The following KLF8 variants were observed in gnomAD, a reference collection of about 807,000 sequenced individuals.
The protein encoded by KLF8 is KLF transcription factor 8, also known as Krueppel-like factor 8.
KLF8 carries 10 observed loss-of-function variants against 18.2 expected under a neutral mutation model. The ratio of observed to expected loss-of-function variants is 0.55; its 90% CI spans 0.34 to 0.93. KLF8 has a LOEUF of 0.93. Among genes scored for constraint, KLF8 ranks in the 40% least tolerant of loss-of-function variants. The pLI, the probability that KLF8 is intolerant of heterozygous loss-of-function variation, is 0.02. For synonymous variants in KLF8, 109 were observed against 97.3 expected (o/e 1.12, Z -0.71); for missense variants, 264 against 277.9 (o/e 0.95, Z 0.36).
At chrX:56,048,385 G>GT in the KLF8 span, among the ~76,000 whole-genome samples, 1 of 111,579 alleles carries the variant, frequency 9.0e-6, no homozygotes, top group Admixed American at 9.5e-5. Context: ...TTCTTCTAGG[G>GT]TTTTTTTGGT....
chrX:55,938,350 G>A, the KLF8 span, among the ~76,000 whole-genome samples: 5 of 111,410 alleles, frequency 4.5e-5, no homozygotes, highest in Non-Finnish European at 9.4e-5. Context: ...CACCAGGCCT[G>A]CCCTAAAAGA....
chrX:56,136,865 A>G, the KLF8 span, among the ~76,000 whole-genome samples: 2 of 110,753 alleles, frequency 1.8e-5, no homozygotes, highest in South Asian at 3.9e-4. Flanking sequence ...TCCGTCAAAG[A>G]GCTAATACCC....
chrX:55,941,529 T>C, the KLF8 span, among the ~76,000 whole-genome samples: 1 of 111,870 alleles, frequency 8.9e-6, no homozygotes, highest in African/African-American at 3.3e-5. Context: ...TGGGATCTAA[T>C]TCAACTAAAG....
At chrX:56,018,258 G>A in the KLF8 span, among the ~76,000 whole-genome samples, 1 of 109,709 alleles carries the variant, frequency 9.1e-6, no homozygotes. Context: ...CAGTTGTGTA[G>A]CTTCCACATA....
chrX:55,993,503 C>T, the KLF8 span, among the ~76,000 whole-genome samples: 2 of 111,821 alleles, frequency 1.8e-5, no homozygotes, highest in South Asian at 7.4e-4. Flanking sequence ...ATGTGGACTG[C>T]TAGTATTTTG....
At chrX:56,180,605 A>G in the KLF8 span, among the ~76,000 whole-genome samples, 2 of 110,882 alleles carry the variant, frequency 1.8e-5, no homozygotes, top group Non-Finnish European at 3.8e-5. Flanking sequence ...TTTTAGTGCT[A>G]TAAATTTACC....
intron 2 of KLF8, 59 bp from the exon 3 acceptor site, chrX:56,265,121 A>G (rs945384397): frequency 9.0e-5 from 99 of 1,094,247 alleles, no homozygotes; most frequent in Non-Finnish European, 4.9e-5. Flanking sequence ...CATTGCTTGC[A>G]TGTCTCTTCA....
At chrX:56,165,529 A>C in the KLF8 span, among the ~76,000 whole-genome samples, 2 of 111,986 alleles carry the variant, frequency 1.8e-5, no homozygotes, top group Non-Finnish European at 3.8e-5. Context: ...TGGTTCACTC[A>C]GTTGTGTGGG....
At chrX:56,063,242 G>C in the KLF8 span, among the ~76,000 whole-genome samples, 132 of 111,103 alleles carry the variant, frequency 1.2e-3, no homozygotes, top group Non-Finnish European at 1.5e-3. Context: ...TAGGAGAAGA[G>C]GCCTTTTGGT....
chrX:56,081,565 T>C, the KLF8 span, among the ~76,000 whole-genome samples: 2 of 112,184 alleles, frequency 1.8e-5, no homozygotes, highest in African/African-American at 6.5e-5. Context: ...CCTGATTTTA[T>C]TGGGAAACTT....
chrX:56,198,310 T>A, the KLF8 span, among the ~76,000 whole-genome samples: 2 of 111,990 alleles, frequency 1.8e-5, no homozygotes, highest in Admixed American at 1.9e-4. Context: ...CCCTGTTTGC[T>A]GATGACTTGA....
the KLF8 span, among the ~76,000 whole-genome samples, chrX:55,951,457 C>G: frequency 1.3e-5 from 1 of 75,311 alleles, no homozygotes; most frequent in Non-Finnish European, 2.5e-5. Flanking sequence ...GCCTGGGCAA[C>G]ATAAAAGCAA....
chrX:56,058,532 G>A, the KLF8 span, among the ~76,000 whole-genome samples: 1 of 97,311 alleles, frequency 1.0e-5, no homozygotes, highest in African/African-American at 3.7e-5. Context: ...GACCTGGTGT[G>A]TGATGTTTCC....
chrX:56,007,912 T>C, the KLF8 span, among the ~76,000 whole-genome samples: 1 of 110,636 alleles, frequency 9.0e-6, no homozygotes, highest in Non-Finnish European at 1.9e-5. Flanking sequence ...TGTTTACCTG[T>C]GTAACAAACC....
the KLF8 span, among the ~76,000 whole-genome samples, chrX:55,953,315 A>G: frequency 9.0e-6 from 1 of 111,393 alleles, no homozygotes; most frequent in African/African-American, 3.3e-5. Flanking sequence ...CCATTGAGCT[A>G]TTGTAAATAA....
the KLF8 span, among the ~76,000 whole-genome samples, chrX:56,052,404 C>T: frequency 1.8e-5 from 2 of 111,801 alleles, no homozygotes; most frequent in Non-Finnish European, 1.9e-5. Flanking sequence ...GTGGTTTTAT[C>T]TACTTTTGGT....
At chrX:56,282,770 A>T (rs1292824006) in intron 5 of KLF8, among the ~76,000 whole-genome samples, 2 of 112,096 alleles carry the variant, frequency 1.8e-5, no homozygotes, top group African/African-American at 6.5e-5. Context: ...TGCTCATTGT[A>T]GAAGATGGGA....
At chrX:56,270,434 G>A (rs1248415280) in intron 5 of KLF8, 113 bp downstream of exon 5, 3 of 906,969 alleles carry the variant, frequency 3.3e-6, no homozygotes, top group Non-Finnish European at 4.3e-6. Flanking sequence ...GGCAGAGAGA[G>A]AGAGAGAAAA....
At chrX:56,250,116 T>A in intron 1 of KLF8, 115 bp from the exon 2 acceptor site, 1 of 499,813 alleles carries the variant, frequency 2.0e-6, no homozygotes, top group Non-Finnish European at 3.4e-6. Flanking sequence ...TATCAGTATC[T>A]GGTAAGCACT....
Sources: gnomAD v4.1 joint callset for allele counts (sites outside exome capture counted in the v4.1 genomes callset) on GRCh38, gnomAD v4.1.1 for gene constraint, MANE v1.5 for transcripts, NCBI Gene and HGNC (gene_info 2026-07-23, HGNC 2026-07-21) for gene names.